Variants in RIMS3 observed in about 807,000 individuals in gnomAD.
RIMS3 encodes the protein regulating synaptic membrane exocytosis 3.
RIMS3 carries 15 observed loss-of-function variants against 29.2 expected under a neutral mutation model. The ratio of observed to expected loss-of-function variants is 0.51; its 90% CI spans 0.34 to 0.79. The LOEUF (loss-of-function observed/expected upper bound fraction) is 0.79. Ranked by LOEUF, RIMS3 falls within the 30% of genes least tolerant of loss-of-function variation. The probability of loss-of-function intolerance (pLI) is 0.01; values close to 1 mark genes in which losing one functional copy is unlikely to be tolerated. For missense variants in RIMS3, 342 were observed against 421.4 expected, an observed-to-expected ratio of 0.81 and a Z score of 1.65; for synonymous variants, 161 against 170.1, an observed-to-expected ratio of 0.95 and a Z score of 0.41.
At chr1:40,634,981 T>A (rs1015317979) in intron 4 of RIMS3, among the ~76,000 whole-genome samples, 1 of 151,612 alleles carries the variant, frequency 6.6e-6, no homozygotes, top group Non-Finnish European at 1.5e-5. Flanking sequence ...TCACTGTTCC[T>A]GGTCTGATCA....
chr1:40,643,846 T>C (rs1646577368), intron 2 of RIMS3, among the ~76,000 whole-genome samples: 1 of 152,208 alleles, frequency 6.6e-6, no homozygotes, highest in South Asian at 2.1e-4. Context: ...ATGGAACGAC[T>C]GGATCAGGGG....
intron 5 of RIMS3, among the ~76,000 whole-genome samples, chr1:40,630,740 G>A (rs1271962090): frequency 6.6e-6 from 1 of 152,310 alleles, no homozygotes; most frequent in South Asian, 2.1e-4. Context: ...CTGCCATGGC[G>A]CATTAGCCTT....
intron 3 of RIMS3, among the ~76,000 whole-genome samples, chr1:40,638,158 C>T (rs1220238847): frequency 1.3e-5 from 2 of 152,176 alleles, no homozygotes; most frequent in African/African-American, 4.8e-5. Flanking sequence ...AGATGGGAAG[C>T]CTGAGGTTCA....
intron 4 of RIMS3, 76 bp from the exon 5 acceptor site, chr1:40,633,257 T>C: frequency 1.7e-6 from 2 of 1,210,044 alleles, no homozygotes; most frequent in Non-Finnish European, 2.4e-6. Flanking sequence ...CAGGCTGCCA[T>C]GCTCTGGCCC....
At chr1:40,664,211 A>T (rs905674927) in intron 1 of RIMS3, among the ~76,000 whole-genome samples, 4 of 152,126 alleles carry the variant, frequency 2.6e-5, no homozygotes, top group African/African-American at 4.8e-5. Context: ...CACAGGGCAC[A>T]TGGGTCACCT....
chr1:40,649,120 G>A (rs529287768), intron 1 of RIMS3, among the ~76,000 whole-genome samples: 86 of 152,294 alleles, frequency 5.6e-4, no homozygotes, highest in African/African-American at 1.9e-3. Flanking sequence ...AGCACACAGC[G>A]GCGGCTCCTC....
rs565847268 is a variant in RIMS3, at chr1:40,624,380, G to C, written c.*2137C>G. 6.6e-6 allele frequency: 1 copy of C among 152,202 alleles called. No individual in the cohort carries two copies. The highest frequency in any genetic ancestry group is 2.4e-5 in the African/African-American group (1 of 41,428). 9.4% of individuals were successfully genotyped at this position (152,202 alleles called of 1,614,324 possible). ...GGAGATTAAAATACCCTTTTGCAAC[G>C]GAGTTTCCTTCTTGATCCCCCACTA... is the stretch of plus-strand genomic sequence containing the variant. On this transcript the variant is annotated 3_prime_UTR_variant, in exon 8 of 8. Transcript: ENST00000372684.
the RIMS3 span, among the ~76,000 whole-genome samples, chr1:40,682,458 G>A: frequency 6.6e-6 from 1 of 151,970 alleles, no homozygotes; most frequent in Non-Finnish European, 1.5e-5. Context: ...ACTGACCATG[G>A]TTCTGATTTT....
At chr1:40,655,124 A>C (rs967796964) in intron 1 of RIMS3, among the ~76,000 whole-genome samples, 3 of 152,210 alleles carry the variant, frequency 2.0e-5, no homozygotes, top group African/African-American at 7.2e-5. Context: ...CCCAGGGACA[A>C]GCAGTCAGCA....
chr1:40,686,293 C>G, the RIMS3 span, among the ~76,000 whole-genome samples: 19 of 152,176 alleles, frequency 1.2e-4, no homozygotes, highest in African/African-American at 4.3e-4. Flanking sequence ...CATGACTTCT[C>G]CATACCCTGA....
At chr1:40,668,489 GGC>G (rs1416446571), upstream of RIMS3, among the ~76,000 whole-genome samples, 2 of 93,658 alleles carry the variant, frequency 2.1e-5, no homozygotes, top group Non-Finnish European at 4.5e-5. Context: ...GGGGGTTGTG[GGC>G]GGGGGGGGGG....
At chr1:40,632,437 T>C (rs999788141) in intron 5 of RIMS3, among the ~76,000 whole-genome samples, 2 of 116,112 alleles carry the variant, frequency 1.7e-5, no homozygotes, top group African/African-American at 8.9e-5. Context: ...TATATATATA[T>C]ATATATATAT....
chr1:40,675,758 CAAAAAAA>C, the RIMS3 span, among the ~76,000 whole-genome samples: 1 of 107,336 alleles, frequency 9.3e-6, no homozygotes, highest in Non-Finnish European at 1.8e-5. Flanking sequence ...AACTCCATCT[CAAAAAAA>C]AAAAAAAAAA....
chr1:40,644,004 A>T (rs1440073263), intron 2 of RIMS3, among the ~76,000 whole-genome samples: 1 of 150,578 alleles, frequency 6.6e-6, no homozygotes, highest in Non-Finnish European at 1.5e-5. Flanking sequence ...CATTCACCTT[A>T]GCAACTCTTA....
rs955631052 is a variant in RIMS3 at position 40,624,986 on chromosome 1, A to C, written c.*1531T>G. 6.6e-6 allele frequency: 1 copy of C among 152,534 alleles called. No homozygotes were observed. Among genetic ancestry groups the C allele is most frequent in the Non-Finnish European group, 1.5e-5 (1 of 68,212 alleles). 9.4% of individuals were successfully genotyped at this position (152,534 alleles called of 1,614,324 possible). On this transcript the variant is annotated 3_prime_UTR_variant, in exon 8 of 8. Transcript: ENST00000372684. ...GTCCTGCTGCTTTCTCCCCTACCAG[A>C]TACAAACCCAAGGGCTGCTCTGTCC... is the stretch of plus-strand genomic sequence containing the variant.
rs1646473862 is a variant in RIMS3, at chr1:40,629,290, T to C, written c.555A>G (p.Pro185=). The C allele has an allele frequency of 1.2e-6, 2 of 1,613,920 alleles. No individual in the cohort carries two copies. The highest frequency in any genetic ancestry group is 1.3e-5 in the African/African-American group (1 of 74,912). ...VIEARGLTPK[P]GSKSLPATYI... Reference sequence around the variant, plus strand: ...CCTCACCTGGGAGGGATTTGGAGCCTGGTTTGGGGGTCAGGCCCCGAGCTT... The same window carrying C: ...CCTCACCTGGGAGGGATTTGGAGCCCGGTTTGGGGGTCAGGCCCCGAGCTT... The change falls in exon 6 of 8, where the codon CCA becomes CCG. Residue 185 remains proline (P), a synonymous_variant. Coordinates refer to ENST00000372684, the MANE Select transcript of RIMS3 (RefSeq NM_014747.3).
At chr1:40,646,098 G>C (rs187440045) in intron 2 of RIMS3, among the ~76,000 whole-genome samples, 1 of 152,278 alleles carries the variant, frequency 6.6e-6, no homozygotes, top group South Asian at 2.1e-4. Flanking sequence ...TCTGGGCCTC[G>C]GCTGTCTCAT....
chr1:40,641,836 G>A lies in RIMS3; in HGVS notation c.90C>T (p.Ser30=). ...SSSISGEICG[S]QQAGGGAGTT... Reference sequence around the variant, plus strand: ...TCCCAGCCCCGCCCCCGGCTTGCTGGGATCCGCAGATTTCACCGCTAATGC... The same window carrying A: ...TCCCAGCCCCGCCCCCGGCTTGCTGAGATCCGCAGATTTCACCGCTAATGC... Residue 30 remains serine, a synonymous_variant, in exon 3 of 8, where the codon TCC becomes TCT. Transcript: ENST00000372684. 2 of 1,613,202 alleles carry A rather than the reference G, an allele frequency of 1.2e-6. No homozygotes were observed. Among genetic ancestry groups the A allele is most frequent in the Non-Finnish European group, 1.7e-6 (2 of 1,179,176 alleles).
intron 7 of RIMS3, among the ~76,000 whole-genome samples, chr1:40,627,494 C>T (rs1646462678): frequency 6.6e-6 from 1 of 152,218 alleles, no homozygotes; most frequent in African/African-American, 2.4e-5. Context: ...TCCCAAAGTG[C>T]TGGGATTACA....
Sources: gnomAD v4.1 joint callset for allele counts (sites outside exome capture counted in the v4.1 genomes callset) on GRCh38, gnomAD v4.1.1 for gene constraint, MANE v1.5 for transcripts, NCBI Gene and HGNC (gene_info 2026-07-23, HGNC 2026-07-21) for gene names.